SPTBN1: variants seen among roughly 807,000 people sequenced by gnomAD.
SPTBN1 encodes the protein spectrin beta, non-erythrocytic 1, also known as spectrin beta chain, non-erythrocytic 1.
A neutral mutation model predicts 266.4 loss-of-function variants in SPTBN1; 32 were observed. The observed-to-expected ratio is 0.12, with a 90% CI of 0.09 to 0.16. The LOEUF is 0.16. SPTBN1 is among the 10% of genes least tolerant of loss of function. The pLI, the probability that SPTBN1 is intolerant of heterozygous loss-of-function variation, is 1.00. For synonymous variants in SPTBN1, 1,336 were observed against 1,162.2 expected (o/e 1.15, Z -3.04); for missense variants, 2,296 against 3,067.1 (o/e 0.75, Z 5.94).
rs980233076 is a variant in SPTBN1 at position 54,649,390 on chromosome 2, C to T, written c.5202+200C>T. ...TAACCTCTCTGTGCACCCCTTCCTC[C>T]GGTAGTAAAAGGAGGTGGAGGTAGT... On this transcript the variant is annotated intron_variant, in intron 25 of 35. Coordinates refer to ENST00000356805, the MANE Select transcript of SPTBN1 (RefSeq NM_003128.3). This position sits in a 1 kb window ranked among gnomAD's most constrained non-coding sequence, Gnocchi z 6.7. Among the ~76,000 whole-genome samples, 3 of 152,108 alleles carry T rather than the reference C, an allele frequency of 2.0e-5. No individual in the cohort carries two copies. The highest frequency in any genetic ancestry group is 4.8e-5 in the African/African-American group (2 of 41,392).
At chr2:54,569,506 A>G (rs1386743664) in intron 2 of SPTBN1, among the ~76,000 whole-genome samples, 1 of 152,226 alleles carries the variant, frequency 6.6e-6, no homozygotes, top group East Asian at 1.9e-4. Flanking sequence ...GCACACACAT[A>G]TACACACACG....
intron 1 of SPTBN1, among the ~76,000 whole-genome samples, chr2:54,505,663 C>T (rs1451777465): frequency 6.6e-6 from 1 of 152,124 alleles, no homozygotes; most frequent in Non-Finnish European, 1.5e-5. Flanking sequence ...AGCCTGGCTG[C>T]CCCTTCTGGA....
chr2:54,577,621 A>G (rs1163149649), intron 2 of SPTBN1, among the ~76,000 whole-genome samples: 3 of 152,200 alleles, frequency 2.0e-5, no homozygotes, highest in African/African-American at 7.2e-5. Flanking sequence ...ATTGATTCAT[A>G]TGCTCCTCAT....
At chr2:54,569,894 CCTGTT>C (rs1318742759) in intron 2 of SPTBN1, among the ~76,000 whole-genome samples, 2 of 152,040 alleles carry the variant, frequency 1.3e-5, no homozygotes, top group African/African-American at 4.8e-5. Context: ...CACCCCCAAA[CCTGTT>C]CTGGGTGTGG....
intron 1 of SPTBN1, among the ~76,000 whole-genome samples, chr2:54,470,467 G>A (rs1427242793): frequency 6.6e-6 from 1 of 152,176 alleles, no homozygotes; most frequent in African/African-American, 2.4e-5. Context: ...TGTATCGGTA[G>A]CTGGCCTATC....
At chr2:54,480,076 A>G (rs1053715656) in intron 1 of SPTBN1, among the ~76,000 whole-genome samples, 9 of 152,224 alleles carry the variant, frequency 5.9e-5, no homozygotes, top group East Asian at 1.9e-4. Flanking sequence ...CTCAGAAAGT[A>G]AAATTGACTT....
chr2:54,597,114 C>T (rs60113783), intron 2 of SPTBN1, among the ~76,000 whole-genome samples: 19,796 of 152,216 alleles, frequency 0.13, 1,408 homozygotes, highest in Middle Eastern at 0.23. Context: ...CATTTTCTGA[C>T]TCCAGTATAA....
chr2:54,562,484 C>G (rs1460198360), intron 2 of SPTBN1, among the ~76,000 whole-genome samples: 1 of 151,578 alleles, frequency 6.6e-6, no homozygotes, highest in Non-Finnish European at 1.5e-5. Context: ...GCCTCAAATG[C>G]CTACTCTTCC....
chr2:54,639,826 TC>T (rs1558457919), intron 18 of SPTBN1, among the ~76,000 whole-genome samples: 1 of 152,214 alleles, frequency 6.6e-6, no homozygotes, highest in Admixed American at 6.5e-5. Context: ...CTGTGACTTC[TC>T]CTCAAAGGAC....
intron 2 of SPTBN1, among the ~76,000 whole-genome samples, chr2:54,565,773 G>A (rs191217444): frequency 5.3e-5 from 8 of 152,328 alleles, no homozygotes; most frequent in Admixed American, 5.2e-4. Flanking sequence ...TGATCTATAT[G>A]AAGTTTCCCT....
At position 54,664,509 on chromosome 2, in the gene SPTBN1, G is replaced by A. The variant is rs758704866; in HGVS notation, c.6477G>A (p.Thr2159=). The stretch of plus-strand genomic sequence containing the variant: ...TCAACGGCGCTACAGAACAAAGGAC[G>A]AGCTCTAAAGAGTCCAGCCCCATCC... The part of the protein sequence containing the change: ...EMVNGATEQR[T]SSKESSPIPS... The change falls in exon 33 of 36, where the codon ACG becomes ACA. Residue 2159 remains threonine, a synonymous_variant. Transcript: ENST00000356805. This position sits in a 1 kb window ranked among gnomAD's most constrained non-coding sequence, Gnocchi z 5.6. 4 of 1,614,078 alleles carry A rather than the reference G, an allele frequency of 2.5e-6. No individual in the cohort carries two copies. The highest frequency in any genetic ancestry group is 1.6e-4 in the Middle Eastern group (1 of 6,062).
chr2:54,592,385 TTTC>T (rs1383675537), intron 2 of SPTBN1, among the ~76,000 whole-genome samples: 1 of 103,402 alleles, frequency 9.7e-6, no homozygotes, highest in African/African-American at 9.2e-5. Flanking sequence ...TTTTTTCTTT[TTTC>T]TTTTTTTTTA....
chr2:54,594,675 C>T (rs1429080529), intron 2 of SPTBN1, among the ~76,000 whole-genome samples: 2 of 151,980 alleles, frequency 1.3e-5, no homozygotes, highest in Non-Finnish European at 2.9e-5. Context: ...ATTAAACAAC[C>T]TTCTGCCACA....
chr2:54,538,360 C>T (rs186927187), intron 2 of SPTBN1, among the ~76,000 whole-genome samples: 1 of 152,312 alleles, frequency 6.6e-6, no homozygotes. Flanking sequence ...TAGAGCATGA[C>T]AGGTGCTTAG....
chr2:54,650,466 A>G (rs1188516176), intron 26 of SPTBN1, among the ~76,000 whole-genome samples: 1 of 151,784 alleles, frequency 6.6e-6, no homozygotes, highest in Non-Finnish European at 1.5e-5. Flanking sequence ...AAGTAGTAAC[A>G]ATATAACAGA....
intron 5 of SPTBN1, 70 bp from the exon 6 acceptor site, chr2:54,617,538 G>A: frequency 1.4e-6 from 2 of 1,450,060 alleles, no homozygotes; most frequent in South Asian, 1.2e-5. Flanking sequence ...TATTAACAAA[G>A]CACTTGGCAA....
At chr2:54,474,754 G>A (rs1667737783) in intron 1 of SPTBN1, among the ~76,000 whole-genome samples, 1 of 152,164 alleles carries the variant, frequency 6.6e-6, no homozygotes, top group Non-Finnish European at 1.5e-5. Context: ...GGTTTTTGGG[G>A]GAGGGGAGAA....
rs1288259845 is a variant in SPTBN1 at position 54,669,561 on chromosome 2, G to C, written c.*992G>C. On this transcript the variant is annotated 3_prime_UTR_variant, in exon 36 of 36. Coordinates refer to ENST00000356805, the MANE Select transcript of SPTBN1 (RefSeq NM_003128.3). ...TGATAGGAATGAACTCCAGAGGCTG[G>C]GCCTGAACAGGGAGGTGGTCGCTCA... is the stretch of plus-strand genomic sequence containing the variant. The C allele has an allele frequency of 2.0e-5, 3 of 152,614 alleles. No homozygotes were observed. The highest frequency in any genetic ancestry group is 4.4e-5 in the Non-Finnish European group (3 of 68,044). 9.5% of individuals were successfully genotyped at this position (152,614 alleles called of 1,614,324 possible).
intron 2 of SPTBN1, among the ~76,000 whole-genome samples, chr2:54,559,803 T>C (rs894049878): frequency 2.0e-5 from 3 of 152,198 alleles, no homozygotes; most frequent in African/African-American, 7.2e-5. Context: ...ATTCGAGGAC[T>C]GTGTGTTTCT....
Sources: gnomAD v4.1 joint callset for allele counts (sites outside exome capture counted in the v4.1 genomes callset) on GRCh38, gnomAD v4.1.1 for gene constraint, Gnocchi (gnomAD v3.1) non-coding constraint, MANE v1.5 for transcripts, NCBI Gene and HGNC (gene_info 2026-07-23, HGNC 2026-07-21) for gene names.